Variants in PLAG1 observed in about 807,000 individuals in gnomAD.
PLAG1 encodes the protein PLAG1 zinc finger.
PLAG1 carries 7 observed loss-of-function variants against 35.5 expected under a neutral mutation model. The ratio of observed to expected loss-of-function variants is 0.20; its 90% CI spans 0.11 to 0.37. The LOEUF is 0.37. Ranked by LOEUF, PLAG1 falls within the 10% of genes least tolerant of loss-of-function variation. The pLI, the probability that PLAG1 is intolerant of heterozygous loss-of-function variation, is 1.00. For synonymous variants in PLAG1, 229 were observed against 225.4 expected (o/e 1.02, Z -0.14); for missense variants, 454 against 602.8 (o/e 0.75, Z 2.58).
At chr8:56,171,233 G>T in intron 2 of PLAG1, 44 bp from the exon 3 acceptor site, 1 of 347,728 alleles carries the variant, frequency 2.9e-6, no homozygotes, top group Non-Finnish European at 4.1e-6. Context: ...AAATGGAACC[G>T]GTATGTAAAT....
chr8:56,199,181 C>A (rs1812473664), intron 1 of PLAG1, among the ~76,000 whole-genome samples: 1 of 152,006 alleles, frequency 6.6e-6, no homozygotes, highest in South Asian at 2.1e-4. Flanking sequence ...GTTGGGGGGA[C>A]AGGTGGAAAA....
Position 56,200,637 on chromosome 8 carries a change from C to T in PLAG1, c.-322+10484G>A, listed in dbSNP as rs76381723. Among the ~76,000 whole-genome samples, 181 of 152,292 alleles carry T rather than the reference C, an allele frequency of 1.2e-3. 5 individuals carry two copies. The East Asian group carries it at 0.027, about 23-fold the overall frequency. On this transcript the variant is annotated intron_variant, in intron 1 of 4. Transcript: ENST00000316981. The stretch of plus-strand genomic sequence containing the variant: ...ATCAGATCTCAGCACACCTTTCTAG[C>T]GGCTCCTGAACTGTACCCTTGCAAA...
At chr8:56,172,507 C>G (rs1036639421) in intron 2 of PLAG1, among the ~76,000 whole-genome samples, 1 of 152,058 alleles carries the variant, frequency 6.6e-6, no homozygotes, top group Non-Finnish European at 1.5e-5. Context: ...AGGGTAATTA[C>G]GAATATGAAA....
At chr8:56,195,356 T>G (rs1442877347) in intron 1 of PLAG1, among the ~76,000 whole-genome samples, 6 of 152,224 alleles carry the variant, frequency 3.9e-5, no homozygotes, top group African/African-American at 1.2e-4. Context: ...GGCATCACTA[T>G]GTGTAGGTGC....
intron 1 of PLAG1, among the ~76,000 whole-genome samples, chr8:56,196,742 T>C (rs1007292184): frequency 6.6e-6 from 1 of 152,156 alleles, no homozygotes; most frequent in Non-Finnish European, 1.5e-5. Context: ...TTAACTCCTC[T>C]GCAAGGGTGT....
rs973727835 is a variant in PLAG1 at position 56,164,643 on chromosome 8, G to C, written c.*1600C>G. 3.6e-5 allele frequency: 8 copies of C among 221,636 alleles called. No homozygotes were observed. Among genetic ancestry groups the C allele is most frequent in the Admixed American group, 2.9e-4 (5 of 17,340 alleles). The allele number at this position is 221,636 out of a possible 1,614,324, so 13.7% of individuals were successfully genotyped here. On this transcript the variant is annotated 3_prime_UTR_variant, in exon 5 of 5. Coordinates refer to ENST00000316981, the MANE Select transcript of PLAG1 (RefSeq NM_002655.3). ...CCCAACGGAAAGGGTCCTAAAATAA[G>C]GTGTTAACAAGTGCTTAATAGATAT... is the stretch of plus-strand genomic sequence containing the variant.
At position 56,165,897 on chromosome 8, in the gene PLAG1, CTGT is replaced by C. The variant is rs971940548; in HGVS notation, c.*343_*345del. ...AGCCAGATGTCAAAAGGTAGAGCCA[CTGT>C]TATTAGACAAAAATGAAAATTTTAA... On this transcript the variant is annotated 3_prime_UTR_variant, in exon 5 of 5. Coordinates refer to ENST00000316981, the MANE Select transcript of PLAG1 (RefSeq NM_002655.3). 9.7e-6 allele frequency: 2 copies of C among 205,320 alleles called. No individual in the cohort carries two copies. Among genetic ancestry groups the C allele is most frequent in the African/African-American group, 4.6e-5 (2 of 43,706 alleles). The allele number at this position is 205,320 out of a possible 1,614,324, so 12.7% of individuals were successfully genotyped here.
intron 3 of PLAG1, among the ~76,000 whole-genome samples, chr8:56,170,614 A>C (rs1811498449): frequency 6.6e-6 from 1 of 152,234 alleles, no homozygotes; most frequent in Non-Finnish European, 1.5e-5. Context: ...GTATATAACT[A>C]ATATCTGAAA....
At position 56,161,475 on chromosome 8, in the gene PLAG1, C is replaced by A; in HGVS notation, c.*4768G>T. On this transcript the variant is annotated 3_prime_UTR_variant, in exon 5 of 5. Transcript: ENST00000316981. Reference sequence around the variant, plus strand: ...ATGGATTCCCAGTTTTTGTTAAATTCAAAGGGCTGTTAGTAACATACAGCA... The same window carrying A: ...ATGGATTCCCAGTTTTTGTTAAATTAAAAGGGCTGTTAGTAACATACAGCA... The A allele has an allele frequency of 4.4e-6, 1 of 224,862 alleles. No homozygotes were observed. The highest frequency in any genetic ancestry group is 8.9e-6 in the Non-Finnish European group (1 of 112,524). 13.9% of individuals were successfully genotyped at this position (224,862 alleles called of 1,614,324 possible).
intron 1 of PLAG1, among the ~76,000 whole-genome samples, chr8:56,185,983 A>C (rs1439897931): frequency 2.6e-5 from 4 of 151,312 alleles, no homozygotes; most frequent in Admixed American, 2.6e-4. Flanking sequence ...CAAGGTAACA[A>C]AAGAACAAGT....
intron 1 of PLAG1, among the ~76,000 whole-genome samples, chr8:56,184,869 C>T (rs1321797444): frequency 6.6e-6 from 1 of 152,098 alleles, no homozygotes; most frequent in African/African-American, 2.4e-5. Context: ...GATGCTTGAA[C>T]CTGAGAGTCG....
chr8:56,166,443 G>C lies in PLAG1; in HGVS notation c.1303C>G (p.Leu435Val). The C allele has an allele frequency of 1.9e-6, 3 of 1,612,942 alleles. No individual in the cohort carries two copies. Among genetic ancestry groups the C allele is most frequent in the Non-Finnish European group, 2.5e-6 (3 of 1,179,474 alleles). Residue 435 changes from leucine to valine, a missense_variant, in exon 5 of 5, where the codon CTA (leucine) becomes GTA (valine). This residue lies in a region of PLAG1 where 271 missense variants were observed against 315.6 expected (regional missense o/e 0.86). Coordinates refer to ENST00000316981, the MANE Select transcript of PLAG1 (RefSeq NM_002655.3). ...CTCATTCCAAGGCTCCCCACTGATA[G>C]AGGATTATAGGGAGGACCATTTAAA... is the stretch of plus-strand genomic sequence containing the variant. The part of the protein sequence containing the change: ...IPLNGPPYNP[L>V]SVGSLGMSYS...
chr8:56,175,281 A>C (rs1811651042), intron 2 of PLAG1, among the ~76,000 whole-genome samples: 1 of 152,236 alleles, frequency 6.6e-6, no homozygotes, highest in Non-Finnish European at 1.5e-5. Context: ...TCCCATTCGT[A>C]ATAAAAATTT....
chr8:56,189,899 G>A (rs1812134308), intron 1 of PLAG1, among the ~76,000 whole-genome samples: 2 of 152,168 alleles, frequency 1.3e-5, no homozygotes, highest in African/African-American at 4.8e-5. Flanking sequence ...AAGGAAAGTG[G>A]TGGGAAGGGA....
intron 1 of PLAG1, among the ~76,000 whole-genome samples, chr8:56,205,416 AGAAG>A (rs1168837606): frequency 6.6e-6 from 1 of 151,930 alleles, no homozygotes; most frequent in African/African-American, 2.4e-5. Context: ...ATCTAAGAAG[AGAAG>A]GAAGGCAGGC....
chr8:56,198,238 G>A (rs927624166), intron 1 of PLAG1, among the ~76,000 whole-genome samples: 6 of 152,218 alleles, frequency 3.9e-5, no homozygotes, highest in African/African-American at 1.4e-4. Flanking sequence ...GCCCTCCAAG[G>A]CTCAGCCCCG....
rs976571877 is a variant in PLAG1 at position 56,163,050 on chromosome 8, C to T, written c.*3193G>A. The T allele has an allele frequency of 6.7e-5, 14 of 209,470 alleles. No homozygotes were observed. The highest frequency in any genetic ancestry group is 1.4e-4 in the Non-Finnish European group (14 of 102,586). 13.0% of individuals were successfully genotyped at this position (209,470 alleles called of 1,614,324 possible). On this transcript the variant is annotated 3_prime_UTR_variant, in exon 5 of 5. Coordinates refer to ENST00000316981, the MANE Select transcript of PLAG1 (RefSeq NM_002655.3). ...CGATAACTATAAAGGTACTTGTATACATCAATGGATAGCATTGCTTACAGT... is the reference window on the plus strand; with the variant it reads ...CGATAACTATAAAGGTACTTGTATATATCAATGGATAGCATTGCTTACAGT...
At position 56,167,989 on chromosome 8, in the gene PLAG1, A is replaced by T; in HGVS notation, c.242+39T>A. The T allele has an allele frequency of 8.7e-7, 1 of 1,147,634 alleles. No homozygotes were observed. The allele number at this position is 1,147,634 out of a possible 1,614,324, so 71.1% of individuals were successfully genotyped here. A position where few individuals can be genotyped will look rare whatever the true frequency, so the allele number is the denominator to read the frequency against. On this transcript the variant is annotated intron_variant, in intron 4 of 4. Transcript: ENST00000316981. This position sits in a 1 kb window ranked among gnomAD's most constrained non-coding sequence, Gnocchi z 5.9. The stretch of plus-strand genomic sequence containing the variant: ...ACAATGGCTTCAAACAGCCAACATA[A>T]GAGAAAATATAATCTGAAAGACAAA...
intron 1 of PLAG1, among the ~76,000 whole-genome samples, chr8:56,197,187 G>C (rs1181288179): frequency 6.6e-6 from 1 of 152,032 alleles, no homozygotes; most frequent in Non-Finnish European, 1.5e-5. Context: ...ACCCCCATCT[G>C]AGCATGTGTG....
Sources: allele counts gnomAD v4.1 joint callset (sites outside exome capture counted in the v4.1 genomes callset), GRCh38; gene constraint gnomAD v4.1.1; regional missense constraint gnomAD v4.1.1; non-coding constraint Gnocchi (gnomAD v3.1); transcripts MANE v1.5; gene names NCBI Gene and HGNC (gene_info 2026-07-23, HGNC 2026-07-21).